Variants in AP2B1 observed in about 807,000 individuals in gnomAD.
The protein encoded by AP2B1 is adaptor related protein complex 2 subunit beta 1.
AP2B1 carries 23 observed loss-of-function variants against 102.0 expected under a neutral mutation model. That is an observed-to-expected ratio of 0.23 (90% CI 0.16 to 0.32). The LOEUF is 0.32. Ranked by LOEUF, AP2B1 falls within the 10% of genes least tolerant of loss-of-function variation. The pLI is 1.00. For synonymous variants in AP2B1, 381 were observed against 421.2 expected, an observed-to-expected ratio of 0.90 and a Z score of 1.17; for missense variants, 541 against 1,157.4, an observed-to-expected ratio of 0.47 and a Z score of 7.73.
intron 7 of AP2B1, 31 bp from the exon 8 acceptor site, chr17:35,627,354 C>G (rs1355015132): frequency 6.5e-7 from 1 of 1,536,194 alleles, no homozygotes; most frequent in Non-Finnish European, 8.8e-7. Context: ...TATGCCTTCA[C>G]CTTCCTTTCT....
At chr17:35,596,504 C>T (rs561723629) in intron 2 of AP2B1, among the ~76,000 whole-genome samples, 1 of 147,130 alleles carries the variant, frequency 6.8e-6, no homozygotes, top group African/African-American at 2.5e-5. Context: ...TAGTGTTTGT[C>T]CCCACTATTT....
At chr17:35,607,774 CT>C (rs35128360) in intron 4 of AP2B1, 74,612 of 123,430 alleles carry the variant, frequency 0.6, 22,124 homozygotes, top group African/African-American at 0.62. Context: ...TACAGCTCCT[CT>C]TTTTTTTTTT....
intron 14 of AP2B1, among the ~76,000 whole-genome samples, chr17:35,658,218 T>G (rs1270834531): frequency 1.3e-5 from 2 of 152,146 alleles, no homozygotes; most frequent in East Asian, 3.9e-4. Flanking sequence ...GCCTTTTTAA[T>G]ATTTTATTTA....
chr17:35,665,970 TA>T (rs1250090480), intron 14 of AP2B1, among the ~76,000 whole-genome samples: 4 of 152,238 alleles, frequency 2.6e-5, no homozygotes, highest in Admixed American at 2.0e-4. Flanking sequence ...TTATAAAATT[TA>T]AAAATTCCTT....
Position 35,605,730 on chromosome 17 carries a change from T to C in AP2B1, c.169T>C (p.Cys57Arg). Reference sequence around the variant, plus strand: ...TTCTCTCTTTCCAGACGTAGTGAACTGTATGCAGACTGACAATCTGGAACT... The same window carrying C: ...TTCTCTCTTTCCAGACGTAGTGAACCGTATGCAGACTGACAATCTGGAACT... ...VSSLFPDVVN[C>R]MQTDNLELKK... The change falls in exon 4 of 22, where the codon TGT becomes CGT. Residue 57 changes from cysteine to arginine, a missense_variant. This residue lies in a region of AP2B1 where 18 missense variants were observed against 23.8 expected (regional missense o/e 0.76). Transcript: ENST00000610402. 1 of 1,613,620 alleles carries C rather than the reference T, an allele frequency of 6.2e-7. No individual in the cohort carries two copies. Among genetic ancestry groups the C allele is most frequent in the Non-Finnish European group, 8.5e-7 (1 of 1,179,732 alleles).
chr17:35,600,262 T>C (rs1474990084), intron 3 of AP2B1, among the ~76,000 whole-genome samples: 1 of 152,086 alleles, frequency 6.6e-6, no homozygotes, highest in African/African-American at 2.4e-5. Context: ...TTTGTATTTT[T>C]AGTAGAGACG....
intron 5 of AP2B1, among the ~76,000 whole-genome samples, chr17:35,617,134 C>T (rs1328958611): frequency 1.3e-5 from 2 of 152,158 alleles, no homozygotes; most frequent in Admixed American, 6.5e-5. Flanking sequence ...CGGCTTACTG[C>T]AACCTCCATC....
rs112766764 is a variant in AP2B1 at position 35,675,466 on chromosome 17, G to A, written c.2324+1145G>A. On this transcript the variant is annotated intron_variant, in intron 17 of 21. Transcript: ENST00000610402. ...ATCTAGAAAGTCTGTGTTTCTTTCT[G>A]TCAAGACTACCAATGTTTCCAGCCA... Among the ~76,000 whole-genome samples, 3 of 152,150 alleles carry A rather than the reference G, an allele frequency of 2.0e-5. No homozygotes were observed. The East Asian group carries it at 5.8e-4, about 29-fold the overall frequency.
chr17:35,717,377 T>G (rs1475038117), intron 21 of AP2B1, 28 bp downstream of exon 21: 2 of 1,613,576 alleles, frequency 1.2e-6, no homozygotes, highest in South Asian at 2.2e-5. Context: ...ATGGGTGAGA[T>G]GGATTAGAGG....
chr17:35,686,053 A>G (rs956154716), intron 18 of AP2B1, among the ~76,000 whole-genome samples: 1 of 152,228 alleles, frequency 6.6e-6, no homozygotes, highest in Non-Finnish European at 1.5e-5. Flanking sequence ...GTGAGCTGCC[A>G]TGCCCTGCCT....
intron 5 of AP2B1, among the ~76,000 whole-genome samples, chr17:35,616,004 C>T (rs1303867905): frequency 2.6e-5 from 4 of 152,092 alleles, no homozygotes; most frequent in Admixed American, 2.6e-4. Flanking sequence ...ATTTCTGTCT[C>T]TACTTATAGA....
At chr17:35,708,744 C>G (rs1419762942) in intron 18 of AP2B1, among the ~76,000 whole-genome samples, 2 of 152,130 alleles carry the variant, frequency 1.3e-5, no homozygotes, top group Non-Finnish European at 2.9e-5. Flanking sequence ...CGTCAAGTTT[C>G]TGTTTGAATC....
intron 15 of AP2B1, 94 bp from the exon 16 acceptor site, chr17:35,671,660 A>C: frequency 7.9e-7 from 1 of 1,258,310 alleles, no homozygotes; most frequent in Non-Finnish European, 1.1e-6. Flanking sequence ...TTTCTTATTG[A>C]TTTATCAAAA....
intron 15 of AP2B1, among the ~76,000 whole-genome samples, chr17:35,671,443 G>A (rs539950090): frequency 3.3e-5 from 5 of 152,278 alleles, no homozygotes; most frequent in African/African-American, 1.2e-4. Context: ...TAGGGTACCC[G>A]TAGGCCTTTT....
intron 5 of AP2B1, among the ~76,000 whole-genome samples, chr17:35,623,577 G>A (rs1352372532): frequency 6.6e-6 from 1 of 152,038 alleles, no homozygotes; most frequent in Non-Finnish European, 1.5e-5. Flanking sequence ...AATCTTTAAT[G>A]CCACTGATTA....
Position 35,627,245 on chromosome 17 carries a change from C to CTTTTTTTTTT in AP2B1, c.939-125_939-116dup, listed in dbSNP as rs569701571. On this transcript the variant is annotated intron_variant, in intron 7 of 21. Coordinates refer to ENST00000610402, the MANE Select transcript of AP2B1 (RefSeq NM_001030006.2). ...TAGAGGCGTATAGAGGAAGTTTATG[C>CTTTTTTTTTT]TTTTTTTTTTTTTTTTTTTTTTTTG... 35 of 178,498 alleles carry CTTTTTTTTTT rather than the reference C, an allele frequency of 2.0e-4. 4 individuals are homozygous for CTTTTTTTTTT. Among genetic ancestry groups the CTTTTTTTTTT allele is most frequent in the East Asian group, 2.7e-4 (2 of 7,430 alleles). The allele number at this position is 178,498 out of a possible 1,614,324, so 11.1% of individuals were successfully genotyped here.
intron 3 of AP2B1, among the ~76,000 whole-genome samples, chr17:35,599,136 G>A (rs192029261): frequency 3.3e-5 from 5 of 152,288 alleles, no homozygotes; most frequent in African/African-American, 1.2e-4. Context: ...TTTTAATATT[G>A]TGTTTGATGA....
At chr17:35,609,752 T>C (rs1326919084) in intron 5 of AP2B1, among the ~76,000 whole-genome samples, 2 of 152,176 alleles carry the variant, frequency 1.3e-5, no homozygotes, top group Non-Finnish European at 2.9e-5. Context: ...ATTACTGTGC[T>C]TGGCCTGAAT....
intron 14 of AP2B1, chr17:35,659,949 G>A (rs925328172): frequency 8.1e-6 from 8 of 985,256 alleles, no homozygotes; most frequent in Non-Finnish European, 9.6e-6. Flanking sequence ...ACCTAAATTT[G>A]CCTGTGTGGA....
Sources: gnomAD v4.1 joint callset for allele counts (sites outside exome capture counted in the v4.1 genomes callset) on GRCh38, gnomAD v4.1.1 for gene constraint, gnomAD v4.1.1 regional missense constraint, MANE v1.5 for transcripts, NCBI Gene and HGNC (gene_info 2026-07-23, HGNC 2026-07-21) for gene names.